Variants in SMIM35 observed in about 807,000 individuals in gnomAD.
The protein encoded by SMIM35 is small integral membrane protein 35, also known as TMPRSS4 antisense RNA 1 (non-protein coding).
At chr11:118,029,832 G>A (rs544382909) in intron 1 of SMIM35, 14 of 456,514 alleles carry the variant, frequency 3.1e-5, no homozygotes, top group Admixed American at 2.6e-4. Flanking sequence ...CTTTGTTTCC[G>A]CAGTCTTAAT....
At chr11:118,047,972 G>T (rs1944129009) in intron 1 of SMIM35, among the ~76,000 whole-genome samples, 1 of 152,164 alleles carries the variant, frequency 6.6e-6, no homozygotes, top group African/African-American at 2.4e-5. Context: ...TGTCTCTGGG[G>T]CTCAGATGGA....
intron 1 of SMIM35, among the ~76,000 whole-genome samples, chr11:118,050,339 C>T (rs867767465): frequency 3.1e-4 from 47 of 152,344 alleles, no homozygotes; most frequent in Middle Eastern, 3.4e-3. Context: ...TCTGTAAAGA[C>T]GGGGTGCCAG....
intron 1 of SMIM35, among the ~76,000 whole-genome samples, chr11:118,030,575 T>C (rs1401589596): frequency 6.6e-6 from 1 of 152,192 alleles, no homozygotes; most frequent in Non-Finnish European, 1.5e-5. Context: ...AGTGGCACTA[T>C]GGTGGTCCTG....
intron 1 of SMIM35, among the ~76,000 whole-genome samples, chr11:118,070,756 C>T (rs548312491): frequency 9.9e-5 from 15 of 152,090 alleles, no homozygotes; most frequent in Admixed American, 5.2e-4. Context: ...GCAAATTACA[C>T]GGACAATATG....
At chr11:118,043,463 A>G (rs932506104) in intron 1 of SMIM35, among the ~76,000 whole-genome samples, 13 of 152,172 alleles carry the variant, frequency 8.5e-5, no homozygotes, top group Non-Finnish European at 1.3e-4. Context: ...CACATATTAT[A>G]TGATTCTATT....
chr11:118,029,974 T>C, intron 1 of SMIM35: 2 of 353,456 alleles, frequency 5.7e-6, no homozygotes, highest in Non-Finnish European at 5.6e-6. Context: ...TTATGTTTCC[T>C]AACTAGAGCC....
chr11:118,035,004 T>C (rs1448927780), intron 1 of SMIM35, among the ~76,000 whole-genome samples: 2 of 149,792 alleles, frequency 1.3e-5, no homozygotes, highest in Non-Finnish European at 3.0e-5. Flanking sequence ...CAGGCTGGAG[T>C]GCAGTGGCAC....
intron 1 of SMIM35, among the ~76,000 whole-genome samples, chr11:118,017,981 G>T (rs1354777048): frequency 2.6e-5 from 4 of 152,178 alleles, no homozygotes; most frequent in Non-Finnish European, 5.9e-5. Flanking sequence ...TGGGGATTAT[G>T]GGAACTACAA....
In SMIM35 at chr11:118,004,968, C is replaced by T. The variant is rs534694571; in HGVS notation, c.*1442G>A. On this transcript the variant is annotated 3_prime_UTR_variant, in exon 5 of 5. Coordinates refer to ENST00000689828, the MANE Select transcript of SMIM35 (RefSeq NM_001394165.1). ...AAAGGCCTGGGTGTAGGGTGCCACA[C>T]CTGTCTACCTCTACCCACATGGGGC... The T allele has an allele frequency of 6.6e-6, 1 of 152,424 alleles. No individual in the cohort carries two copies. Among genetic ancestry groups the T allele is most frequent in the African/African-American group, 2.4e-5 (1 of 41,524 alleles). The allele number at this position is 152,424 out of a possible 1,614,324, so 9.4% of individuals were successfully genotyped here. A position where few individuals can be genotyped will look rare whatever the true frequency, so the allele number is the denominator to read the frequency against.
At chr11:118,082,532 G>A (rs1945222226) in intron 1 of SMIM35, among the ~76,000 whole-genome samples, 2 of 151,286 alleles carry the variant, frequency 1.3e-5, no homozygotes, top group African/African-American at 4.9e-5. Flanking sequence ...CTGCACTCCA[G>A]CCTGGGCAAT....
rs373559939 is a variant in SMIM35, at chr11:118,015,750, C to T, written c.67G>A (p.Val23Met). The change falls in exon 2 of 5, where the codon GTG becomes ATG. Residue 23 changes from valine (V) to methionine (M), a missense_variant. Val to Met is a conservative substitution (Grantham distance 21). Transcript: ENST00000689828. ...ILGVGLLLLL[V>M]SILGYSLAKW... ...GCCAGGCTGTAGCCGAGGATGGACACGAGCAGCAGCAAGAGCCCCACGCCA... is the reference window on the plus strand; with the variant it reads ...GCCAGGCTGTAGCCGAGGATGGACATGAGCAGCAGCAAGAGCCCCACGCCA... 4.8e-5 allele frequency: 19 copies of T among 399,506 alleles called. No homozygotes were observed. The highest frequency in any genetic ancestry group is 1.3e-4 in the Admixed American group (3 of 22,720). The allele number at this position is 399,506 out of a possible 1,614,324, so 24.7% of individuals were successfully genotyped here.
chr11:118,006,111 A>G lies in SMIM35; in HGVS notation c.*299T>C, dbSNP rs2058120458. ...ACCACCTTCTCTCCCATCCTTCACA[A>G]TCAACTTTTTGAAAGAATTGAAAGA... On this transcript the variant is annotated 3_prime_UTR_variant, in exon 5 of 5. Transcript: ENST00000689828. 6.6e-6 allele frequency: 1 copy of G among 152,248 alleles called. No individual in the cohort carries two copies. Among genetic ancestry groups the G allele is most frequent in the South Asian group, 2.1e-4 (1 of 4,826 alleles). The allele number at this position is 152,248 out of a possible 1,614,324, so 9.4% of individuals were successfully genotyped here.
At chr11:118,012,363 G>A (rs943845548) in intron 4 of SMIM35, among the ~76,000 whole-genome samples, 6 of 152,304 alleles carry the variant, frequency 3.9e-5, no homozygotes, top group East Asian at 1.9e-4. Flanking sequence ...GATGACTCAC[G>A]AGGGGAACTG....
chr11:118,019,419 A>G (rs960975560), intron 1 of SMIM35, among the ~76,000 whole-genome samples: 4 of 152,156 alleles, frequency 2.6e-5, no homozygotes, highest in Non-Finnish European at 5.9e-5. Flanking sequence ...CCAGCAGTCA[A>G]ATTGAGGAGT....
intron 1 of SMIM35, among the ~76,000 whole-genome samples, chr11:118,074,430 G>T (rs1944620469): frequency 6.6e-6 from 1 of 152,156 alleles, no homozygotes; most frequent in Non-Finnish European, 1.5e-5. Context: ...GGCTGAGGGA[G>T]AGCTGAGGCT....
chr11:118,045,928 CCT>C (rs1380060771), intron 1 of SMIM35, among the ~76,000 whole-genome samples: 1 of 152,146 alleles, frequency 6.6e-6, no homozygotes, highest in Non-Finnish European at 1.5e-5. Context: ...GAGTTTTAAT[CCT>C]CTCTTATGTT....
chr11:118,036,407 AG>A (rs1359299093), intron 1 of SMIM35, among the ~76,000 whole-genome samples: 1 of 152,210 alleles, frequency 6.6e-6, no homozygotes, highest in African/African-American at 2.4e-5. Flanking sequence ...TGGATTTGAA[AG>A]TTTCCATTTT....
intron 2 of SMIM35, among the ~76,000 whole-genome samples, chr11:118,015,266 A>G (rs960437839): frequency 6.6e-6 from 1 of 152,200 alleles, no homozygotes; most frequent in Admixed American, 6.5e-5. Context: ...ACACCACAGC[A>G]AATTCCAGGA....
intron 1 of SMIM35, among the ~76,000 whole-genome samples, chr11:118,037,710 C>A (rs114951261): frequency 6.6e-6 from 1 of 152,136 alleles, no homozygotes; most frequent in African/African-American, 2.4e-5. Flanking sequence ...TCCATGTCAC[C>A]ATTTAGTTCT....
Sources: allele counts gnomAD v4.1 joint callset (sites outside exome capture counted in the v4.1 genomes callset), GRCh38; gene constraint gnomAD v4.1.1; transcripts MANE v1.5; gene names NCBI Gene and HGNC (gene_info 2026-07-23, HGNC 2026-07-21).